Variants in RBFOX1 observed in about 807,000 individuals in gnomAD.
RBFOX1 encodes RNA binding protein fox-1 homolog 1.
Under a neutral mutation model 57.7 loss-of-function variants are expected in RBFOX1, and 8 were observed. The ratio of observed to expected loss-of-function variants is 0.14; its 90% CI spans 0.08 to 0.25. The LOEUF (loss-of-function observed/expected upper bound fraction) is 0.25. RBFOX1 is among the 10% of genes least tolerant of loss of function. The pLI is 1.00. For missense variants in RBFOX1, 611 were observed against 548.5 expected (o/e 1.11, Z -1.14); for synonymous variants, 326 against 222.4 (o/e 1.47, Z -4.15).
chr16:7,110,957 T>C (rs1263203980), intron 4 of RBFOX1, among the ~76,000 whole-genome samples: 1 of 152,140 alleles, frequency 6.6e-6, no homozygotes, highest in African/African-American at 2.4e-5. Flanking sequence ...CTCCCTGAAA[T>C]TGTGTATCGT....
At chr16:6,463,141 T>C (rs1454993027) in intron 2 of RBFOX1, among the ~76,000 whole-genome samples, 1 of 152,244 alleles carries the variant, frequency 6.6e-6, no homozygotes, top group Admixed American at 6.5e-5. Flanking sequence ...CTTTATAGTT[T>C]TTTGCTTTAT....
chr16:7,218,317 A>C lies in RBFOX1; in HGVS notation c.27+166219A>C, dbSNP rs945166856. Among the ~76,000 whole-genome samples the C allele has an allele frequency of 5.9e-5, 9 of 152,186 alleles. No individual in the cohort carries two copies. The South Asian group carries it at 1.9e-3, about 31-fold the overall frequency. Reference sequence around the variant, plus strand: ...AATTTAAAAATTGCTATAATACTCTAAGCCATCATCAGTATATTGTTTTCT... The same window carrying C: ...AATTTAAAAATTGCTATAATACTCTCAGCCATCATCAGTATATTGTTTTCT... On this transcript the variant is annotated intron_variant, in intron 4 of 15. Transcript: ENST00000550418.
intron 2 of RBFOX1, among the ~76,000 whole-genome samples, chr16:5,524,033 C>G (rs981888740): frequency 2.6e-5 from 4 of 152,184 alleles, no homozygotes; most frequent in Non-Finnish European, 5.9e-5. Context: ...TCCGCCAGCA[C>G]CTCATAAACT....
chr16:5,528,768 G>A (rs1047695267), intron 2 of RBFOX1, among the ~76,000 whole-genome samples: 4 of 151,658 alleles, frequency 2.6e-5, no homozygotes, highest in Non-Finnish European at 5.9e-5. Flanking sequence ...TCCTGCCTCA[G>A]CCTCCCGAGT....
intron 3 of RBFOX1, among the ~76,000 whole-genome samples, chr16:6,706,047 G>T (rs1230843470): frequency 6.6e-6 from 1 of 152,122 alleles, no homozygotes; most frequent in East Asian, 1.9e-4. Context: ...ATAGATATAG[G>T]TTAGATGGAC....
At chr16:6,084,839 T>A (rs1324854407) in intron 1 of RBFOX1, among the ~76,000 whole-genome samples, 3 of 152,158 alleles carry the variant, frequency 2.0e-5, no homozygotes, top group Non-Finnish European at 4.4e-5. Context: ...CCTGAGTGAT[T>A]AAGTAATTTT....
At position 5,977,114 on chromosome 16, in the gene RBFOX1, T is replaced by G. The variant is rs142161147; in HGVS notation, c.351+109779T>G. Among the ~76,000 whole-genome samples, 58 of 152,264 alleles carry G rather than the reference T, an allele frequency of 3.8e-4. 1 individual carries two copies. The East Asian group carries it at 5.6e-3, about 15-fold the overall frequency. ...TGGTGGCAAGTCTTCTGGGTAATTT[T>G]CTAGTAAGCTAAATTCCGGAAACCA... is the stretch of plus-strand genomic sequence containing the variant. On this transcript the variant is annotated intron_variant, in intron 4 of 19. Coordinates refer to the RBFOX1 transcript ENST00000641259.
chr16:7,024,681 A>G (rs1427844877), intron 3 of RBFOX1, among the ~76,000 whole-genome samples: 4 of 152,134 alleles, frequency 2.6e-5, no homozygotes, highest in Non-Finnish European at 5.9e-5. Context: ...TTAGATACGA[A>G]TGGAGGAGCC....
chr16:7,369,569 A>G (rs569755107), intron 4 of RBFOX1, among the ~76,000 whole-genome samples: 1 of 152,222 alleles, frequency 6.6e-6, no homozygotes, highest in South Asian at 2.1e-4. Context: ...TAATTAACAT[A>G]TGGTTATAGT....
At position 7,307,662 on chromosome 16, in the gene RBFOX1, G is replaced by T. The variant is rs138473560; in HGVS notation, c.28-210485G>T. Among the ~76,000 whole-genome samples, 684 of 152,248 alleles carry T rather than the reference G, an allele frequency of 4.5e-3. 2 individuals carry two copies. The highest frequency in any genetic ancestry group is 0.015 in the African/African-American group (641 of 41,544). On this transcript the variant is annotated intron_variant, in intron 4 of 15. Transcript: ENST00000550418. Reference sequence around the variant, plus strand: ...GTTTAGAGCTGCAAGGTGGGATAATGCTAAATAGTTTTTTTGGCGTCTAGA... The same window carrying T: ...GTTTAGAGCTGCAAGGTGGGATAATTCTAAATAGTTTTTTTGGCGTCTAGA...
rs1172709255 is a variant in RBFOX1 at position 5,583,372 on chromosome 16, C to T, written c.259-15530C>T. On this transcript the variant is annotated intron_variant, in intron 2 of 2. Coordinates refer to the RBFOX1 transcript ENST00000585867. ...ATCTGTAATAATAGCTGAGTGTTGG[C>T]CAATCCCAGCGGCCATACTTCAACC... is the stretch of plus-strand genomic sequence containing the variant. 2.0e-5 allele frequency among the ~76,000 whole-genome samples: 3 copies of T among 152,192 alleles called. 1 individual carries two copies. The highest frequency in any genetic ancestry group is 4.4e-5 in the Non-Finnish European group (3 of 68,028).
intron 4 of RBFOX1, among the ~76,000 whole-genome samples, chr16:7,515,769 G>A (rs887518818): frequency 5.9e-5 from 9 of 152,242 alleles, no homozygotes; most frequent in African/African-American, 2.2e-4. Flanking sequence ...CTGTTCCTCA[G>A]TTTCTTCTCT....
chr16:5,935,494 G>C (rs1326686993), intron 4 of RBFOX1, among the ~76,000 whole-genome samples: 1 of 152,180 alleles, frequency 6.6e-6, no homozygotes, highest in African/African-American at 2.4e-5. Flanking sequence ...TTCCTAATTG[G>C]TACCTGGCCC....
intron 2 of RBFOX1, among the ~76,000 whole-genome samples, chr16:5,577,775 A>G (rs1162530141): frequency 6.6e-6 from 1 of 152,228 alleles, no homozygotes; most frequent in African/African-American, 2.4e-5. Context: ...AGTCGTGTTC[A>G]CACCAGGCGG....
In RBFOX1 at chr16:5,821,288, C is replaced by CTTTTTTTTT. The variant is rs748095632; in HGVS notation, c.319-46008_319-46007insTTTTTTTTT. 5.6e-5 allele frequency among the ~76,000 whole-genome samples: 7 copies of CTTTTTTTTT among 125,448 alleles called. 1 individual carries two copies. Among genetic ancestry groups the CTTTTTTTTT allele is most frequent in the African/African-American group, 9.2e-5 (3 of 32,440 alleles). 82.3% of individuals were successfully genotyped at this position (125,448 alleles called of 152,430 possible). ...GGAAGTGGGCTGTCTGTCATTCTCT[C>CTTTTTTTTT]TTTTTTTATTTTTTTTTTTTTTTTT... is the stretch of plus-strand genomic sequence containing the variant. On this transcript the variant is annotated intron_variant, in intron 3 of 19. Transcript: ENST00000641259.
chr16:6,614,219 A>T (rs2098112381), intron 2 of RBFOX1, among the ~76,000 whole-genome samples: 1 of 152,190 alleles, frequency 6.6e-6, no homozygotes, highest in Admixed American at 6.5e-5. Context: ...GATGCATTTC[A>T]TACTGCCTGC....
At chr16:7,224,263 C>G (rs542335146) in intron 4 of RBFOX1, among the ~76,000 whole-genome samples, 3 of 149,472 alleles carry the variant, frequency 2.0e-5, no homozygotes, top group Non-Finnish European at 4.4e-5. Flanking sequence ...AGTCATCGTA[C>G]AAGCCAGCAG....
rs551589906 is a variant in RBFOX1 at position 5,620,867 on chromosome 16, G to C, written c.318+21906G>C. Among the ~76,000 whole-genome samples, 5 of 152,158 alleles carry C rather than the reference G, an allele frequency of 3.3e-5. No homozygotes were observed. The South Asian group carries it at 1.0e-3, about 32-fold the overall frequency. On this transcript the variant is annotated intron_variant, in intron 3 of 19. Transcript: ENST00000641259. ...TTTTTATTTGTATTTTTTTGAGACA[G>C]AGTTGCTCTGTCCCCCAGGCTGGAG... is the stretch of plus-strand genomic sequence containing the variant.
At chr16:5,309,025 T>A (rs1181538742) in intron 1 of RBFOX1, among the ~76,000 whole-genome samples, 1 of 152,154 alleles carries the variant, frequency 6.6e-6, no homozygotes, top group Admixed American at 6.5e-5. Flanking sequence ...TCTCATGTTG[T>A]CTTGGCTAGA....
Sources: gnomAD v4.1 joint callset for allele counts (sites outside exome capture counted in the v4.1 genomes callset) on GRCh38, gnomAD v4.1.1 for gene constraint, MANE v1.5 for transcripts, NCBI Gene and HGNC (gene_info 2026-07-23, HGNC 2026-07-21) for gene names.